Variants in PFDN1 observed in about 807,000 individuals in gnomAD.
The protein encoded by PFDN1 is prefoldin subunit 1.
PFDN1 carries 6 observed loss-of-function variants against 17.3 expected under a neutral mutation model. The observed-to-expected ratio is 0.35, with a 90% CI of 0.19 to 0.69. The LOEUF is 0.69. Ranked by LOEUF, PFDN1 falls within the 30% of genes least tolerant of loss-of-function variation. The probability of loss-of-function intolerance (pLI) is 0.65; values close to 1 mark genes in which losing one functional copy is unlikely to be tolerated. For missense variants in PFDN1, 113 were observed against 146.2 expected, an observed-to-expected ratio of 0.77 and a Z score of 1.17; for synonymous variants, 58 against 50.1, an observed-to-expected ratio of 1.16 and a Z score of -0.67.
chr5:140,278,456 G>A (rs914685589), intron 3 of PFDN1, among the ~76,000 whole-genome samples: 1 of 149,418 alleles, frequency 6.7e-6, no homozygotes, highest in African/African-American at 2.5e-5. Context: ...AGGTACTCAG[G>A]AGGCTGAGGC....
intron 2 of PFDN1, among the ~76,000 whole-genome samples, chr5:140,286,036 T>TA (rs968783495): frequency 4.0e-5 from 6 of 151,438 alleles, no homozygotes; most frequent in Admixed American, 6.6e-5. Flanking sequence ...AACCGAAATT[T>TA]AAAAAAAAAT....
rs184761702 is a variant in PFDN1, at chr5:140,255,793, A to C, written c.286-9736T>G. On this transcript the variant is annotated intron_variant, in intron 3 of 3. Transcript: ENST00000261813. ...TGCAAGATCCTTCTTGGTGAGGCAA[A>C]CCATTAAAAAACCCTTTCTTTACCT... Among the ~76,000 whole-genome samples the C allele has an allele frequency of 1.1e-3, 163 of 152,224 alleles. 2 individuals carry two copies. The Middle Eastern group carries it at 0.014, about 13-fold the overall frequency.
chr5:140,279,727 C>A lies in PFDN1; in HGVS notation c.285+1722G>T, dbSNP rs775256662. On this transcript the variant is annotated intron_variant, in intron 3 of 3. Coordinates refer to ENST00000261813, the MANE Select transcript of PFDN1 (RefSeq NM_002622.5). ...TTGTAAGAAAAAAATCAAGGCCAGGCGCAGTGGCCTATGATTCCCAGCACT... is the reference window on the plus strand; with the variant it reads ...TTGTAAGAAAAAAATCAAGGCCAGGAGCAGTGGCCTATGATTCCCAGCACT... 7.9e-5 allele frequency among the ~76,000 whole-genome samples: 12 copies of A among 151,708 alleles called. No homozygotes were observed. The East Asian group carries it at 1.3e-3, about 17-fold the overall frequency.
chr5:140,286,168 T>TAA (rs1765485171), intron 2 of PFDN1, among the ~76,000 whole-genome samples: 1 of 151,942 alleles, frequency 6.6e-6, no homozygotes, highest in African/African-American at 2.4e-5. Flanking sequence ...CCCTGCACTT[T>TAA]AGGAGGCCGA....
intron 3 of PFDN1, among the ~76,000 whole-genome samples, chr5:140,251,678 G>C (rs558276269): frequency 6.6e-6 from 1 of 152,174 alleles, no homozygotes; most frequent in East Asian, 1.9e-4. Flanking sequence ...TGGGTGCAGC[G>C]ACATTCTTGT....
intron 2 of PFDN1, 25 bp from the exon 3 acceptor site, chr5:140,281,558 AT>A: frequency 8.7e-7 from 1 of 1,146,436 alleles, no homozygotes; most frequent in Non-Finnish European, 1.3e-6. Context: ...AAAGTTGAAA[AT>A]TAAGCCACAT....
chr5:140,296,800 C>T (rs1765661303), intron 2 of PFDN1, among the ~76,000 whole-genome samples: 1 of 152,130 alleles, frequency 6.6e-6, no homozygotes, highest in Admixed American at 6.5e-5. Flanking sequence ...AAATTCTTCT[C>T]AACATATAAC....
chr5:140,246,080 AG>A, intron 3 of PFDN1, 23 bp from the exon 4 acceptor site: 1 of 1,434,424 alleles, frequency 7.0e-7, no homozygotes, highest in Non-Finnish European at 9.6e-7. Flanking sequence ...AGACAGACAA[AG>A]GTTAGGACCA....
chr5:140,254,048 A>C lies in PFDN1; in HGVS notation c.286-7991T>G, dbSNP rs886193558. On this transcript the variant is annotated intron_variant, in intron 3 of 3. Coordinates refer to ENST00000261813, the MANE Select transcript of PFDN1 (RefSeq NM_002622.5). The surrounding 1 kb of genome is among the most constrained non-coding windows in gnomAD (Gnocchi z 4.4). The stretch of plus-strand genomic sequence containing the variant: ...AGGAGTCAGCAAACTTTTTCTATAA[A>C]GGGCCAGATAATAAATATTTCAGGC... Among the ~76,000 whole-genome samples, 1 of 152,226 alleles carries C rather than the reference A, an allele frequency of 6.6e-6. No individual in the cohort carries two copies. Among genetic ancestry groups the C allele is most frequent in the Non-Finnish European group, 1.5e-5 (1 of 68,040 alleles).
chr5:140,286,934 T>C (rs1765504432), intron 2 of PFDN1, among the ~76,000 whole-genome samples: 1 of 152,112 alleles, frequency 6.6e-6, no homozygotes, highest in Non-Finnish European at 1.5e-5. Context: ...TGTAAAAAAT[T>C]ACCAAGTACA....
chr5:140,256,212 C>T (rs1287075979), intron 3 of PFDN1, among the ~76,000 whole-genome samples: 2 of 152,094 alleles, frequency 1.3e-5, no homozygotes, highest in Non-Finnish European at 2.9e-5. Context: ...ATCTGCACTC[C>T]CTCTTAGAAA....
In PFDN1 at chr5:140,276,015, TTGATGATGATGA is replaced by T. The variant is rs57224353; in HGVS notation, c.285+5422_285+5433del. 4.4e-3 allele frequency among the ~76,000 whole-genome samples: 664 copies of T among 149,368 alleles called. 2 individuals carry two copies. The highest frequency in any genetic ancestry group is 0.028 in the Middle Eastern group (8 of 288). On this transcript the variant is annotated intron_variant, in intron 3 of 3. Coordinates refer to ENST00000261813, the MANE Select transcript of PFDN1 (RefSeq NM_002622.5). ...AATACAGGGTATCTCAGAAGAGAAA[TTGATGATGATGA>T]TGATGATGATGATGATGATGATGAT... is the stretch of plus-strand genomic sequence containing the variant.
chr5:140,252,287 G>C (rs1458102265), intron 3 of PFDN1, among the ~76,000 whole-genome samples: 2 of 152,176 alleles, frequency 1.3e-5, no homozygotes, highest in Admixed American at 6.5e-5. Flanking sequence ...AAATAGCCCT[G>C]CTGGCTCATC....
intron 2 of PFDN1, among the ~76,000 whole-genome samples, chr5:140,284,219 A>G (rs2126694760): frequency 6.6e-6 from 1 of 152,356 alleles, no homozygotes; most frequent in Admixed American, 6.5e-5. Flanking sequence ...GAGAGATTCC[A>G]CCGAAGCTGG....
intron 2 of PFDN1, among the ~76,000 whole-genome samples, chr5:140,291,049 C>A (rs1165313000): frequency 1.3e-5 from 2 of 152,108 alleles, no homozygotes; most frequent in Non-Finnish European, 2.9e-5. Flanking sequence ...AAAGGGTAAG[C>A]CATGGAGACA....
intron 3 of PFDN1, among the ~76,000 whole-genome samples, chr5:140,250,750 A>G (rs141347183): frequency 6.6e-6 from 1 of 152,226 alleles, no homozygotes; most frequent in African/African-American, 2.4e-5. Flanking sequence ...AACGCCCAAC[A>G]GAAGAAGCAA....
chr5:140,294,088 C>T (rs919015400), intron 2 of PFDN1, among the ~76,000 whole-genome samples: 1 of 151,946 alleles, frequency 6.6e-6, no homozygotes, highest in South Asian at 2.1e-4. Flanking sequence ...CTTTGCTTCA[C>T]TTTCTCTAAA....
chr5:140,285,335 G>A (rs1217145511), intron 2 of PFDN1, among the ~76,000 whole-genome samples: 2 of 146,644 alleles, frequency 1.4e-5, no homozygotes, highest in African/African-American at 2.5e-5. Flanking sequence ...GCAACAGAGC[G>A]AGACTCCATC....
intron 2 of PFDN1, 75 bp downstream of exon 2, chr5:140,300,341 T>C: frequency 8.3e-7 from 1 of 1,199,254 alleles, no homozygotes; most frequent in South Asian, 1.4e-5. Flanking sequence ...ACCCAAGTTT[T>C]AAGATGAACA....
Sources: allele counts gnomAD v4.1 joint callset (sites outside exome capture counted in the v4.1 genomes callset), GRCh38; gene constraint gnomAD v4.1.1; non-coding constraint Gnocchi (gnomAD v3.1); transcripts MANE v1.5; gene names NCBI Gene and HGNC (gene_info 2026-07-23, HGNC 2026-07-21).